The following DLG2 variants were observed in gnomAD, a reference collection of about 807,000 sequenced individuals.
DLG2 encodes the protein discs large MAGUK scaffold protein 2.
DLG2 carries 45 observed loss-of-function variants against 132.5 expected under a neutral mutation model. That is an observed-to-expected ratio of 0.34 (90% CI 0.27 to 0.44). DLG2 has a LOEUF of 0.44. DLG2 is among the 20% of genes least tolerant of loss of function. The probability of loss-of-function intolerance (pLI) is 1.00; values close to 1 mark genes in which losing one functional copy is unlikely to be tolerated. For synonymous variants in DLG2, 424 were observed against 419.6 expected, an observed-to-expected ratio of 1.01 and a Z score of -0.13; for missense variants, 1,045 against 1,196.9, an observed-to-expected ratio of 0.87 and a Z score of 1.87.
At chr11:83,955,983 CCTTG>C (rs1381435752) in intron 14 of DLG2, among the ~76,000 whole-genome samples, 1 of 152,096 alleles carries the variant, frequency 6.6e-6, no homozygotes, top group Non-Finnish European at 1.5e-5. Flanking sequence ...TGGGACCTCA[CCTTG>C]TGATCATGTG....
intron 3 of DLG2, among the ~76,000 whole-genome samples, chr11:85,582,714 G>GCAA (rs2153229146): frequency 1.0e-5 from 1 of 100,286 alleles, no homozygotes; most frequent in East Asian, 2.8e-4. Flanking sequence ...AACTCGTGCA[G>GCAA]CAACTATTTC....
At chr11:83,668,735 A>ATG (rs1242058637) in intron 18 of DLG2, among the ~76,000 whole-genome samples, 2 of 144,656 alleles carry the variant, frequency 1.4e-5, no homozygotes, top group Non-Finnish European at 3.0e-5. Context: ...ACACATATAT[A>ATG]TGTGTATATA....
At chr11:84,935,712 G>A (rs2048661210) in intron 6 of DLG2, among the ~76,000 whole-genome samples, 1 of 152,172 alleles carries the variant, frequency 6.6e-6, no homozygotes, top group African/African-American at 2.4e-5. Flanking sequence ...CAATGCATAG[G>A]AGAGCATATC....
chr11:83,519,296 GGAA>G (rs1212982663), intron 21 of DLG2, among the ~76,000 whole-genome samples: 3 of 152,078 alleles, frequency 2.0e-5, no homozygotes, highest in Non-Finnish European at 4.4e-5. Context: ...ATTACATTGT[GGAA>G]GAAGATTTAG....
At chr11:84,584,120 T>C (rs938920849) in intron 6 of DLG2, among the ~76,000 whole-genome samples, 2 of 152,094 alleles carry the variant, frequency 1.3e-5, no homozygotes, top group African/African-American at 4.8e-5. Flanking sequence ...TGTCAGTTTG[T>C]TTTCTAAAAT....
At chr11:85,518,866 C>A (rs1006737252) in intron 3 of DLG2, among the ~76,000 whole-genome samples, 2 of 152,156 alleles carry the variant, frequency 1.3e-5, no homozygotes, top group African/African-American at 2.4e-5. Context: ...CCAGCCATGA[C>A]TAAAAGTGGT....
chr11:85,244,567 GA>G (rs1472764725), intron 4 of DLG2, among the ~76,000 whole-genome samples: 1 of 151,926 alleles, frequency 6.6e-6, no homozygotes, highest in Non-Finnish European at 1.5e-5. Flanking sequence ...CCAGAGGAAG[GA>G]AATGATCATC....
chr11:84,058,404 C>T (rs2096537587), intron 11 of DLG2, among the ~76,000 whole-genome samples: 1 of 151,136 alleles, frequency 6.6e-6, no homozygotes, highest in South Asian at 2.1e-4. Context: ...ACCTGTAATC[C>T]CAACACTTTG....
At chr11:85,367,853 A>G (rs2084673920) in intron 3 of DLG2, among the ~76,000 whole-genome samples, 1 of 152,162 alleles carries the variant, frequency 6.6e-6, no homozygotes, top group African/African-American at 2.4e-5. Context: ...TTCTCATAGT[A>G]ATTTCCATTG....
rs566850107 is a variant in DLG2, at chr11:85,513,585, A to C, written c.40+85072T>G. Among the ~76,000 whole-genome samples, 74 of 151,980 alleles carry C rather than the reference A, an allele frequency of 4.9e-4. 2 individuals are homozygous for C. The highest frequency in any genetic ancestry group is 1.6e-3 in the African/African-American group (68 of 41,514). On this transcript the variant is annotated intron_variant, in intron 3 of 27. Transcript: ENST00000376104. ...CTTCAATGAGCACTTATCTTTCACT[A>C]GTATATCTTCTTGCCTCCCCATTTA...
At chr11:84,935,556 G>A (rs2048639366) in intron 6 of DLG2, among the ~76,000 whole-genome samples, 1 of 152,102 alleles carries the variant, frequency 6.6e-6, no homozygotes, top group Admixed American at 6.6e-5. Flanking sequence ...CATAGGTCTG[G>A]AACAGTGGCT....
intron 7 of DLG2, among the ~76,000 whole-genome samples, chr11:84,277,731 T>C (rs1209540718): frequency 2.6e-5 from 4 of 151,890 alleles, no homozygotes; most frequent in Non-Finnish European, 4.4e-5. Context: ...GCACAGAAGA[T>C]AGAGGAAAAC....
intron 11 of DLG2, among the ~76,000 whole-genome samples, chr11:84,035,913 T>G (rs1026638822): frequency 1.3e-5 from 2 of 152,144 alleles, no homozygotes; most frequent in Non-Finnish European, 2.9e-5. Flanking sequence ...GGATGATTCT[T>G]CTGTTTTTGG....
chr11:85,167,852 T>C (rs1204174066), intron 4 of DLG2, among the ~76,000 whole-genome samples: 4 of 152,150 alleles, frequency 2.6e-5, no homozygotes, highest in Non-Finnish European at 5.9e-5. Context: ...ATTACTTTTT[T>C]CCCCTACACT....
intron 3 of DLG2, among the ~76,000 whole-genome samples, chr11:85,427,616 C>G (rs2090860889): frequency 6.6e-6 from 1 of 152,146 alleles, no homozygotes. Context: ...TAAAAGAGCT[C>G]CTGAAGGAAG....
At chr11:85,193,275 T>C (rs2080751235) in intron 4 of DLG2, among the ~76,000 whole-genome samples, 1 of 152,228 alleles carries the variant, frequency 6.6e-6, no homozygotes, top group Non-Finnish European at 1.5e-5. Flanking sequence ...TGATTAATAC[T>C]CCCTTATACA....
At chr11:85,513,490 C>T (rs920546573) in intron 3 of DLG2, among the ~76,000 whole-genome samples, 2 of 152,006 alleles carry the variant, frequency 1.3e-5, no homozygotes, top group African/African-American at 4.8e-5. Context: ...GTCACATGAA[C>T]TTATCAGTTG....
intron 7 of DLG2, among the ~76,000 whole-genome samples, chr11:84,448,123 A>T (rs1273225547): frequency 6.6e-6 from 1 of 152,090 alleles, no homozygotes; most frequent in African/African-American, 2.4e-5. Context: ...GCATGCAAAA[A>T]ACACAGACAT....
chr11:85,162,054 A>G (rs897083380), intron 4 of DLG2, among the ~76,000 whole-genome samples: 7 of 152,170 alleles, frequency 4.6e-5, no homozygotes, highest in Admixed American at 4.6e-4. Flanking sequence ...ACCAGGAGAC[A>G]CAATGATTCC....
Sources: allele counts gnomAD v4.1 joint callset (sites outside exome capture counted in the v4.1 genomes callset), GRCh38; gene constraint gnomAD v4.1.1; transcripts MANE v1.5; gene names NCBI Gene and HGNC (gene_info 2026-07-23, HGNC 2026-07-21).